SREBF2: variants seen among roughly 807,000 people sequenced by gnomAD.
The protein encoded by SREBF2 is sterol regulatory element-binding protein 2.
SREBF2 carries 55 observed loss-of-function variants against 113.1 expected under a neutral mutation model. The observed-to-expected ratio is 0.49, with a 90% CI of 0.39 to 0.61. SREBF2 has a LOEUF of 0.61. Ranked by LOEUF, SREBF2 falls within the 20% of genes least tolerant of loss-of-function variation. SREBF2 has a pLI of 0.00. For missense variants in SREBF2, 1,349 were observed against 1,487.4 expected, an observed-to-expected ratio of 0.91 and a Z score of 1.53; for synonymous variants, 593 against 605.7, an observed-to-expected ratio of 0.98 and a Z score of 0.31.
intron 15 of SREBF2, chr22:41,899,177 C>T: frequency 8.8e-7 from 1 of 1,135,378 alleles, no homozygotes. Flanking sequence ...GCCCCCAAAA[C>T]TCATGTGCAC....
chr22:41,878,609 A>C, intron 9 of SREBF2: 8 of 1,186,278 alleles, frequency 6.7e-6, no homozygotes, highest in Non-Finnish European at 7.9e-6. Context: ...GAACCAGGAA[A>C]GGTTTTTGAG....
intron 1 of SREBF2, among the ~76,000 whole-genome samples, chr22:41,856,532 A>C (rs527804926): frequency 6.6e-6 from 1 of 152,234 alleles, no homozygotes; most frequent in Non-Finnish European, 1.5e-5. Context: ...AATTTTAAAT[A>C]GTTTTGAAGT....
In SREBF2 at chr22:41,877,223, T is replaced by C; in HGVS notation, c.1387-6T>C. 2 of 1,614,220 alleles carry C rather than the reference T, an allele frequency of 1.2e-6. No homozygotes were observed. Among genetic ancestry groups the C allele is most frequent in the Non-Finnish European group, 1.7e-6 (2 of 1,180,032 alleles). ...TTTATTCCAACCTCGAGGCCTTGTT[T>C]TGAAGGTCAAAGATGAGCCAGACTC... On this transcript the variant is annotated splice_region_variant and splice_polypyrimidine_tract_variant and intron_variant, in intron 7 of 18. Transcript: ENST00000361204.
intron 3 of SREBF2, 24 bp from the exon 4 acceptor site, chr22:41,870,865 T>A: frequency 6.2e-7 from 1 of 1,614,174 alleles, no homozygotes; most frequent in South Asian, 1.1e-5. Flanking sequence ...ATCATCCTTT[T>A]ACTTTTCTTC....
chr22:41,874,933 C>G (rs893378919), intron 5 of SREBF2, among the ~76,000 whole-genome samples: 8 of 152,028 alleles, frequency 5.3e-5, no homozygotes, highest in Non-Finnish European at 1.0e-4. Context: ...AAAAAGATAA[C>G]TGTCCAACAA....
chr22:41,880,838 G>A lies in SREBF2; in HGVS notation c.1884G>A (p.Leu628=). ...SLSWNVIRYS[L]QKLRLVRWLL... ...CCTGGAACGTGATCCGCTACAGCCT[G>A]CAGAAGCTACGCCTGGTGCGCTGGC... Residue 628 remains leucine (L), a synonymous_variant, in exon 10 of 19, where the codon CTG becomes CTA. Transcript: ENST00000361204. 1 of 1,614,166 alleles carries A rather than the reference G, an allele frequency of 6.2e-7. No individual in the cohort carries two copies. Among genetic ancestry groups the A allele is most frequent in the Non-Finnish European group, 8.5e-7 (1 of 1,180,038 alleles).
At chr22:41,881,712 A>G (rs1364776194) in intron 10 of SREBF2, among the ~76,000 whole-genome samples, 1 of 152,178 alleles carries the variant, frequency 6.6e-6, no homozygotes, top group African/African-American at 2.4e-5. Context: ...GTAGTGTATC[A>G]GTAGGATTCA....
At position 41,878,123 on chromosome 22, in the gene SREBF2, A is replaced by C; in HGVS notation, c.1761A>C (p.Arg587Ser). The stretch of plus-strand genomic sequence containing the variant: ...AACAGGCAGATCTGGATCTCGCCAG[A>C]GTGAGTTCTGTGTCCGCCCTTCCCC... ...HRKQADLDLA[R>S]GDFAAAAGNL... Residue 587 changes from arginine to serine, a missense_variant and splice_region_variant, in exon 9 of 19, where the codon AGA becomes AGC. Coordinates refer to ENST00000361204, the MANE Select transcript of SREBF2 (RefSeq NM_004599.4). 1 of 1,613,950 alleles carries C rather than the reference A, an allele frequency of 6.2e-7. No homozygotes were observed. Among genetic ancestry groups the C allele is most frequent in the Non-Finnish European group, 8.5e-7 (1 of 1,180,024 alleles).
At chr22:41,888,421 C>CT (rs2077320335) in intron 11 of SREBF2, among the ~76,000 whole-genome samples, 1 of 152,126 alleles carries the variant, frequency 6.6e-6, no homozygotes, top group African/African-American at 2.4e-5. Flanking sequence ...CAAGTGGCAC[C>CT]TTTTTTTCAT....
rs2229438 is a variant in SREBF2 at position 41,867,108 on chromosome 22, C to A, written c.366C>A (p.Pro122=). The change falls in exon 2 of 19, where the codon CCC becomes CCA. Residue 122 remains proline, a synonymous_variant. Transcript: ENST00000361204. ...LQVKVSPTSV[P]TTPRATPILQ... Reference sequence around the variant, plus strand: ...TCAAGGTTTCTCCCACCTCAGTTCCCACCACACCCAGGGCAACTCCTATTC... The same window carrying A: ...TCAAGGTTTCTCCCACCTCAGTTCCAACCACACCCAGGGCAACTCCTATTC... 3.2e-3 allele frequency: 5,232 copies of A among 1,614,200 alleles called. 160 individuals carry two copies. In the African/African-American group the frequency reaches 0.062, roughly 19 times the overall value.
In SREBF2 at chr22:41,905,982, C is replaced by G. The variant is rs527948964; in HGVS notation, c.*322C>G. ...CTTCCTGAGTTTCTCTCTCCTGAAC[C>G]CTACTCTCTCCTTTTTGCTTCCTCA... On this transcript the variant is annotated 3_prime_UTR_variant, in exon 19 of 19. Transcript: ENST00000361204. The G allele has an allele frequency of 3.5e-6, 2 of 570,736 alleles. No individual in the cohort carries two copies. Among genetic ancestry groups the G allele is most frequent in the East Asian group, 4.0e-5 (1 of 24,830 alleles). The allele number at this position is 570,736 out of a possible 1,614,324, so 35.4% of individuals were successfully genotyped here.
At chr22:41,858,076 A>C (rs544726424) in intron 1 of SREBF2, among the ~76,000 whole-genome samples, 2 of 152,236 alleles carry the variant, frequency 1.3e-5, no homozygotes, top group African/African-American at 2.4e-5. Context: ...AGAAAAAAAC[A>C]TTGTGGGTGG....
chr22:41,867,304 G>GTGGT (rs1011378858), intron 2 of SREBF2, 24 bp downstream of exon 2: 1 of 1,613,230 alleles, frequency 6.2e-7, no homozygotes, highest in Non-Finnish European at 8.5e-7. Context: ...TAGAATGGTA[G>GTGGT]TGGTTGGTTG....
intron 11 of SREBF2, among the ~76,000 whole-genome samples, chr22:41,892,247 G>A (rs1433737492): frequency 2.6e-5 from 4 of 152,208 alleles, no homozygotes; most frequent in African/African-American, 9.7e-5. Flanking sequence ...CTGACGGCTG[G>A]CCATGTGCCG....
intron 9 of SREBF2, chr22:41,878,837 G>A: frequency 2.1e-6 from 2 of 968,944 alleles, no homozygotes; most frequent in South Asian, 2.7e-5. Flanking sequence ...TCCTGGATCT[G>A]TCAGCCTTGC....
At chr22:41,886,263 C>T (rs76473663) in intron 11 of SREBF2, 1 of 152,144 alleles carries the variant, frequency 6.6e-6, no homozygotes, top group African/African-American at 2.4e-5. Flanking sequence ...AACCTTCCCT[C>T]GACAGATCTT....
At chr22:41,878,154 CCCCCAGACTT>C (rs2148393188) in intron 9 of SREBF2, 31 bp downstream of exon 9, 1 of 1,612,322 alleles carries the variant, frequency 6.2e-7, no homozygotes, top group East Asian at 2.2e-5. Flanking sequence ...TCCCCATCCT[CCCCCAGACTT>C]GACAAATAAT....
intron 1 of SREBF2, among the ~76,000 whole-genome samples, chr22:41,850,540 A>G (rs529300932): frequency 4.1e-4 from 63 of 152,114 alleles, no homozygotes; most frequent in Non-Finnish European, 7.5e-4. Flanking sequence ...TCTGTCTTAC[A>G]GCTTTTCCCC....
At chr22:41,878,895 C>T in intron 9 of SREBF2, 1 of 447,212 alleles carries the variant, frequency 2.2e-6, no homozygotes, top group Admixed American at 3.4e-5. Context: ...GAGGCCTGTT[C>T]CTTGAGTATA....
Sources: allele counts gnomAD v4.1 joint callset (sites outside exome capture counted in the v4.1 genomes callset), GRCh38; gene constraint gnomAD v4.1.1; transcripts MANE v1.5; gene names NCBI Gene and HGNC (gene_info 2026-07-23, HGNC 2026-07-21).